Variants in ACADVL observed in about 807,000 individuals in gnomAD.
ACADVL encodes very long-chain acyl-CoA dehydrogenase, mitochondrial.
ACADVL carries 73 observed loss-of-function variants against 80.4 expected under a neutral mutation model. The ratio of observed to expected loss-of-function variants is 0.91; its 90% confidence interval spans 0.75 to 1.10. The LOEUF (loss-of-function observed/expected upper bound fraction) is 1.10. Among genes scored for constraint, ACADVL ranks in the 50% least tolerant of loss-of-function variants. The pLI is 0.00. For synonymous variants in ACADVL, 392 were observed against 326.5 expected (o/e 1.20, Z -2.16); for missense variants, 878 against 858.9 (o/e 1.02, Z -0.28).
Position 7,222,055 on chromosome 17 carries a change from C to G in ACADVL, c.726C>G (p.Thr242=). 1 of 1,614,110 alleles carries G rather than the reference C, an allele frequency of 6.2e-7. No individual in the cohort carries two copies. Among genetic ancestry groups the G allele is most frequent in the Non-Finnish European group, 8.5e-7 (1 of 1,180,008 alleles). ...AVPSPCGKYY[T]LNGSKLWISN... is the part of the protein sequence containing the mutation. ...CCAGCCCCTGTGGAAAATACTATAC[C>G]CTCAATGGAAGCAAGCTTTGGATCA... The change falls in exon 8 of 20, where the codon ACC becomes ACG. Residue 242 remains threonine, a synonymous_variant. Coordinates refer to ENST00000356839, the MANE Select transcript of ACADVL (RefSeq NM_000018.4).
At chr17:7,223,546 G>A in intron 11 of ACADVL, 98 bp from the exon 12 acceptor site, 1 of 1,319,706 alleles carries the variant, frequency 7.6e-7, no homozygotes. Context: ...GACCTGACAA[G>A]CTAGGTCAGC....
rs776727535 is a variant in ACADVL, at chr17:7,222,907, T to C, written c.1077+42T>C. On this transcript the variant is annotated intron_variant, in intron 10 of 19. Transcript: ENST00000356839. The stretch of plus-strand genomic sequence containing the variant: ...AGTCCCTAGGTAACCCAAACAGAAG[T>C]CTCACTGTCCCCCTTGCCATGTGTC... 3 of 1,601,154 alleles carry C rather than the reference T, an allele frequency of 1.9e-6. No homozygotes were observed. In the South Asian group the frequency reaches 3.3e-5, roughly 18 times the overall value.
chr17:7,224,905 G>C, intron 19 of ACADVL, 21 bp downstream of exon 19: 1 of 1,614,030 alleles, frequency 6.2e-7, no homozygotes, highest in Non-Finnish European at 8.5e-7. Flanking sequence ...GGGCTGCCAA[G>C]CTCAGGTGAG....
upstream of ACADVL, chr17:7,217,377 G>A (rs1304031313): frequency 3.9e-6 from 2 of 514,598 alleles, no homozygotes; most frequent in Non-Finnish European, 5.9e-6. Flanking sequence ...TGGAGGGGAG[G>A]GGGCTTGGGG....
At chr17:7,218,636 G>A (rs774228060), upstream of ACADVL, 8 of 1,560,624 alleles carry the variant, frequency 5.1e-6, no homozygotes, top group Non-Finnish European at 6.9e-6. Context: ...GGCTGACCTG[G>A]GAGCTAGTGA....
rs775913504 is a variant in ACADVL at position 7,224,253 on chromosome 17, G to C, written c.1532+10G>C. On this transcript the variant is annotated intron_variant, in intron 15 of 19. Coordinates refer to ENST00000356839, the MANE Select transcript of ACADVL (RefSeq NM_000018.4). ...GCAAACAGCTGAGGCGGTAGGCTTA[G>C]GGCCAGAGCCAGGGGAGGGCAGGGT... is the stretch of plus-strand genomic sequence containing the variant. The C allele has an allele frequency of 2.0e-5, 33 of 1,613,644 alleles. No individual in the cohort carries two copies. Among genetic ancestry groups the C allele is most frequent in the Non-Finnish European group, 2.8e-5 (33 of 1,180,034 alleles).
At chr17:7,219,830 G>A (rs370487268), upstream of ACADVL, 88 of 1,536,368 alleles carry the variant, frequency 5.7e-5, 1 homozygote, top group African/African-American at 8.6e-4. Flanking sequence ...GGGCTCCAGG[G>A]AACTACAGCT....
rs763213941 is a variant in ACADVL at position 7,223,879 on chromosome 17, C to A, written c.1332+4C>A. ...GGGGGGTATGGGCTTCATGAAGGTA[C>A]AGGACGGTCTTCTGCAGAGCCTCGG... On this transcript the variant is annotated splice_donor_region_variant and intron_variant, in intron 13 of 19. Transcript: ENST00000356839. 22 of 1,613,860 alleles carry A rather than the reference C, an allele frequency of 1.4e-5. No homozygotes were observed. The highest frequency in any genetic ancestry group is 1.9e-5 in the Non-Finnish European group (22 of 1,180,028).
In ACADVL at chr17:7,224,210, T is replaced by A; in HGVS notation, c.1499T>A (p.Leu500His). The change falls in exon 15 of 20, where the codon CTC (leucine) becomes CAC (histidine). Residue 500 changes from leucine (L) to histidine (H), a missense_variant. Transcript: ENST00000356839. ...AAGAATCCCTTTGGGAATGCTGGCC[T>A]CCTGCTAGGAGAGGCAGGCAAACAG... is the stretch of plus-strand genomic sequence containing the variant. ...ALKNPFGNAG[L>H]LLGEAGKQLR... The A allele has an allele frequency of 6.2e-7, 1 of 1,613,998 alleles. No homozygotes were observed. The highest frequency in any genetic ancestry group is 1.3e-5 in the African/African-American group (1 of 75,012).
At position 7,223,123 on chromosome 17, in the gene ACADVL, C is replaced by T. The variant is rs748209172; in HGVS notation, c.1078-10C>T. The T allele has an allele frequency of 3.7e-6, 6 of 1,608,236 alleles. No individual in the cohort carries two copies. In the South Asian group the frequency reaches 4.4e-5, roughly 12 times the overall value. The stretch of plus-strand genomic sequence containing the variant: ...CTGAACCACAGCGGGATGTGTGGAC[C>T]CTCTTCCAGGTAGATCATGCCACTA... On this transcript the variant is annotated splice_polypyrimidine_tract_variant and intron_variant, in intron 10 of 19. Coordinates refer to ENST00000356839, the MANE Select transcript of ACADVL (RefSeq NM_000018.4).
At chr17:7,217,863 G>T, upstream of ACADVL, 1 of 1,515,260 alleles carries the variant, frequency 6.6e-7, no homozygotes, top group South Asian at 1.2e-5. Context: ...TAGTTGGGCT[G>T]GGAGCACCCA....
chr17:7,217,672 T>TG (rs371507899), upstream of ACADVL: 17,568 of 1,145,596 alleles, frequency 0.015, 96 homozygotes, highest in East Asian at 0.018. Flanking sequence ...GGAGCCAGAA[T>TG]GGGGGGGGTG....
upstream of ACADVL, chr17:7,217,641 GGGGAGGGA>G: frequency 7.4e-7 from 1 of 1,348,906 alleles, no homozygotes; most frequent in Non-Finnish European, 1.0e-6. Flanking sequence ...GAGGAAGCAG[GGGGAGGGA>G]GGGAGGGAGC....
chr17:7,224,516 G>GAGGCCAAGCTGATAAAACACAAGA lies in ACADVL; in HGVS notation c.1646_1669dup (p.Ala549_Lys556dup), dbSNP rs1567568810. 6.2e-7 allele frequency: 1 copy of GAGGCCAAGCTGATAAAACACAAGA among 1,613,432 alleles called. No individual in the cohort carries two copies. On this transcript the variant is annotated inframe_insertion, in exon 17 of 20. Transcript: ENST00000356839. ...TCTGGAGCAGTTTGCCACTGTGGTG[G>GAGGCCAAGCTGATAAAACACAAGA]AGGCCAAGCTGATAAAACACAAGAA...
chr17:7,219,851 C>CCCGGGGCCCGCAACCGT, upstream of ACADVL: 4 of 1,538,838 alleles, frequency 2.6e-6, no homozygotes, highest in Non-Finnish European at 3.5e-6. Flanking sequence ...CCCAGCATGC[C>CCCGGGGCCCGCAACCGT]CCGGGGCCCG....
chr17:7,224,261 G>A lies in ACADVL; in HGVS notation c.1532+18G>A. The stretch of plus-strand genomic sequence containing the variant: ...CTGAGGCGGTAGGCTTAGGGCCAGA[G>A]CCAGGGGAGGGCAGGGTGGTGTATG... On this transcript the variant is annotated intron_variant, in intron 15 of 19. Transcript: ENST00000356839. 3.7e-6 allele frequency: 6 copies of A among 1,613,654 alleles called. No individual in the cohort carries two copies. Among genetic ancestry groups the A allele is most frequent in the Non-Finnish European group, 5.1e-6 (6 of 1,180,016 alleles).
At chr17:7,219,448 A>G (rs1245223935), upstream of ACADVL, 1 of 1,023,688 alleles carries the variant, frequency 9.8e-7, no homozygotes. Flanking sequence ...AATGGCCTAC[A>G]TCTCAGAAGA....
At chr17:7,223,536 G>A in intron 11 of ACADVL, 108 bp from the exon 12 acceptor site, 6 of 1,221,508 alleles carry the variant, frequency 4.9e-6, no homozygotes, top group Non-Finnish European at 6.1e-6. Flanking sequence ...GTATCTGCCT[G>A]ACCTGACAAG....
rs2071169802 is a variant in ACADVL at position 7,220,794 on chromosome 17, T to A, written c.306T>A (p.Leu102=). The A allele has an allele frequency of 6.2e-7, 1 of 1,613,944 alleles. No homozygotes were observed. Among genetic ancestry groups the A allele is most frequent in the Non-Finnish European group, 8.5e-7 (1 of 1,180,044 alleles). The change falls in exon 5 of 20, where the codon CTT becomes CTA. Residue 102 remains leucine, a synonymous_variant. Transcript: ENST00000356839. ...SVLNEEQTQF[L]KELVEPVSRF... ...TCAACGAAGAGCAGACACAGTTTCT[T>A]AAAGAGCTGGTGGAGCCTGTGTCCC...
Sources: gnomAD v4.1 joint callset for allele counts on GRCh38, gnomAD v4.1.1 for gene constraint, MANE v1.5 for transcripts, NCBI Gene and HGNC (gene_info 2026-07-23, HGNC 2026-07-21) for gene names.